DCHS2: variants seen among roughly 807,000 people sequenced by gnomAD.
DCHS2 encodes protocadherin-23.
In DCHS2, 142 loss-of-function variants were observed where a neutral mutation model predicts 182.4. The ratio of observed to expected loss-of-function variants is 0.78; its 90% CI spans 0.68 to 0.89. The LOEUF is 0.89. Ranked by LOEUF, DCHS2 falls within the 40% of genes least tolerant of loss-of-function variation. DCHS2 has a pLI of 0.00. For missense variants in DCHS2, 4,319 were observed against 4,198.6 expected (o/e 1.03, Z -0.79); for synonymous variants, 1,740 against 1,663.3 (o/e 1.05, Z -1.12).
chr4:154,252,351 T>G, intron 16 of DCHS2, among the ~76,000 whole-genome samples: 1 of 152,282 alleles, frequency 6.6e-6, no homozygotes, highest in South Asian at 2.1e-4. Context: ...AATTATAATC[T>G]TTTTGTTATT....
At chr4:154,294,222 A>G (rs1331867530) in intron 13 of DCHS2, among the ~76,000 whole-genome samples, 1 of 152,198 alleles carries the variant, frequency 6.6e-6, no homozygotes, top group Non-Finnish European at 1.5e-5. Context: ...AAGAGACTAA[A>G]TGAATAGATG....
At chr4:154,318,101 T>C (rs568957937) in intron 9 of DCHS2, among the ~76,000 whole-genome samples, 2 of 152,090 alleles carry the variant, frequency 1.3e-5, no homozygotes, top group Non-Finnish European at 2.9e-5. Flanking sequence ...TTTTCTGTTG[T>C]GTATTCAGCC....
At chr4:154,375,119 T>C (rs1291593172) in intron 2 of DCHS2, among the ~76,000 whole-genome samples, 2 of 152,092 alleles carry the variant, frequency 1.3e-5, no homozygotes, top group East Asian at 3.8e-4. Context: ...ACCATTTCAG[T>C]AAGTGGTGCT....
Position 154,315,732 on chromosome 4 carries a change from T to G in DCHS2, c.5260+16A>C. On this transcript the variant is annotated intron_variant, in intron 10 of 19. Transcript: ENST00000357232. ...TTTTAAGCATTAAATACCCAGTTTC[T>G]GTATTTCTAAATTACCTGAATCTCT... is the stretch of plus-strand genomic sequence containing the variant. The G allele has an allele frequency of 6.2e-7, 1 of 1,609,372 alleles. No individual in the cohort carries two copies. Among genetic ancestry groups the G allele is most frequent in the East Asian group, 2.2e-5 (1 of 44,798 alleles).
At chr4:154,247,429 G>T (rs946515259) in intron 16 of DCHS2, among the ~76,000 whole-genome samples, 4 of 151,546 alleles carry the variant, frequency 2.6e-5, no homozygotes, top group Non-Finnish European at 5.9e-5. Flanking sequence ...CTGAGCTAAG[G>T]TCAGGAGTTC....
chr4:154,264,260 C>G lies in DCHS2; in HGVS notation c.6578-4504G>C, dbSNP rs552292755. On this transcript the variant is annotated intron_variant, in intron 14 of 19. Coordinates refer to ENST00000357232, the MANE Select transcript of DCHS2 (RefSeq NM_001358235.2). ...TAGAGAAGCAAGGCACCATAAATGA[C>G]AGCAAGCAAACCCATAGACAACAGA... Among the ~76,000 whole-genome samples, 5 of 152,230 alleles carry G rather than the reference C, an allele frequency of 3.3e-5. No individual in the cohort carries two copies. The South Asian group carries it at 1.0e-3, about 32-fold the overall frequency.
At position 154,405,813 on chromosome 4, in the gene DCHS2, G is replaced by A. The variant is rs1445588117; in HGVS notation, c.2053-28369C>T. Among the ~76,000 whole-genome samples, 5 of 152,216 alleles carry A rather than the reference G, an allele frequency of 3.3e-5. No homozygotes were observed. In the South Asian group the frequency reaches 1.0e-3, roughly 31 times the overall value. ...CAACTTGGGTTATTTCTCAGGGTTT[G>A]ATGTTGGGTCACACAGTTTCATGCT... On this transcript the variant is annotated intron_variant, in intron 1 of 19. Transcript: ENST00000357232.
At chr4:154,355,195 T>C (rs1416811817) in intron 3 of DCHS2, among the ~76,000 whole-genome samples, 4 of 151,934 alleles carry the variant, frequency 2.6e-5, no homozygotes, top group Non-Finnish European at 5.9e-5. Flanking sequence ...TCACAAAGAC[T>C]CTGCTGATAA....
In DCHS2 at chr4:154,329,588, T is replaced by C. The variant is rs1392729807; in HGVS notation, c.3853A>G (p.Thr1285Ala). 6.2e-7 allele frequency: 1 copy of C among 1,613,536 alleles called. No individual in the cohort carries two copies. Among genetic ancestry groups the C allele is most frequent in the Non-Finnish European group, 8.5e-7 (1 of 1,179,906 alleles). ...NATMAVYVSV[T>A]DINDNRPFFP... Reference sequence around the variant, plus strand: ...AAGGGCCTGTTATCATTGATGTCAGTAACTGAGACGTAAACCGCCATGGTG... The same window carrying C: ...AAGGGCCTGTTATCATTGATGTCAGCAACTGAGACGTAAACCGCCATGGTG... The change falls in exon 6 of 20, where the codon ACT becomes GCT. Residue 1285 changes from threonine (T) to alanine (A), a missense_variant. Thr to Ala is a moderately conservative substitution (Grantham distance 58, BLOSUM62 0). Transcript: ENST00000357232.
chr4:154,241,584 T>A (rs542601821), intron 17 of DCHS2, among the ~76,000 whole-genome samples: 1 of 152,278 alleles, frequency 6.6e-6, no homozygotes, highest in African/African-American at 2.4e-5. Context: ...CTCAGAATAG[T>A]TCCATTGTAT....
At chr4:154,459,307 T>A (rs1019551132) in intron 1 of DCHS2, among the ~76,000 whole-genome samples, 6 of 152,026 alleles carry the variant, frequency 3.9e-5, no homozygotes, top group African/African-American at 1.5e-4. Flanking sequence ...GATTGAAGCA[T>A]TTGCCCAAGT....
intron 1 of DCHS2, among the ~76,000 whole-genome samples, chr4:154,383,387 G>A (rs1320916290): frequency 3.9e-5 from 6 of 151,918 alleles, no homozygotes; most frequent in Admixed American, 1.3e-4. Flanking sequence ...CTGGGCGATG[G>A]GATCAATTGT....
At chr4:154,291,122 G>A (rs1349068353) in intron 13 of DCHS2, among the ~76,000 whole-genome samples, 1 of 151,946 alleles carries the variant, frequency 6.6e-6, no homozygotes, top group African/African-American at 2.4e-5. Flanking sequence ...TAAAAAATGG[G>A]CAAAACACCC....
intron 3 of DCHS2, among the ~76,000 whole-genome samples, chr4:154,356,085 T>C (rs1010196010): frequency 1.3e-5 from 2 of 152,126 alleles, no homozygotes; most frequent in African/African-American, 4.8e-5. Context: ...GACAGCTCCA[T>C]GTGTGTTACT....
intron 13 of DCHS2, among the ~76,000 whole-genome samples, chr4:154,293,994 T>C (rs1734796348): frequency 6.6e-6 from 1 of 152,164 alleles, no homozygotes; most frequent in South Asian, 2.1e-4. Context: ...TGCATATATA[T>C]GCCTTTTGTT....
At chr4:154,473,585 G>T (rs1226562174) in intron 1 of DCHS2, among the ~76,000 whole-genome samples, 2 of 152,136 alleles carry the variant, frequency 1.3e-5, no homozygotes, top group African/African-American at 4.8e-5. Flanking sequence ...AAGGGTTATG[G>T]TATTCAGGTG....
intron 2 of DCHS2, among the ~76,000 whole-genome samples, chr4:154,374,879 C>T (rs947867042): frequency 6.6e-6 from 1 of 151,960 alleles, no homozygotes; most frequent in African/African-American, 2.4e-5. Context: ...GAAAAAAAAT[C>T]AAAGCGCAGA....
At chr4:154,336,833 T>C (rs2111374798) in intron 3 of DCHS2, among the ~76,000 whole-genome samples, 1 of 152,314 alleles carries the variant, frequency 6.6e-6, no homozygotes, top group African/African-American at 2.4e-5. Flanking sequence ...ATTCCTTATC[T>C]AATATGATTT....
At chr4:154,449,200 C>T (rs576222647) in intron 1 of DCHS2, among the ~76,000 whole-genome samples, 1 of 119,108 alleles carries the variant, frequency 8.4e-6, no homozygotes, top group South Asian at 4.1e-4. Context: ...AAATTTGTCA[C>T]TTAAATATCC....
Sources: allele counts gnomAD v4.1 joint callset (sites outside exome capture counted in the v4.1 genomes callset), GRCh38; gene constraint gnomAD v4.1.1; transcripts MANE v1.5; gene names NCBI Gene and HGNC (gene_info 2026-07-23, HGNC 2026-07-21).